The following MCTP1 variants were observed in gnomAD, a reference collection of about 807,000 sequenced individuals.
MCTP1 encodes multiple C2 and transmembrane domain-containing protein 1.
MCTP1 carries 69 observed loss-of-function variants against 120.6 expected under a neutral mutation model. The observed-to-expected ratio is 0.57, with a 90% CI of 0.47 to 0.70. The LOEUF is 0.70. MCTP1 is among the 30% of genes least tolerant of loss of function. The pLI is 0.00. For synonymous variants in MCTP1, 529 were observed against 493.1 expected (o/e 1.07, Z -0.96); for missense variants, 1,203 against 1,248.8 (o/e 0.96, Z 0.55).
chr5:94,712,636 T>A (rs2152546088), intron 20 of MCTP1, among the ~76,000 whole-genome samples: 1 of 152,252 alleles, frequency 6.6e-6, no homozygotes, highest in East Asian at 1.9e-4. Context: ...CTATTTTCAG[T>A]AATCCCTGGT....
chr5:94,730,479 G>A (rs919703412), intron 19 of MCTP1, among the ~76,000 whole-genome samples: 8 of 152,210 alleles, frequency 5.3e-5, no homozygotes, highest in African/African-American at 1.9e-4. Context: ...CTAGGGAAGA[G>A]TGGAGCAGGA....
intron 1 of MCTP1, among the ~76,000 whole-genome samples, chr5:95,058,478 C>T (rs1235861327): frequency 6.6e-6 from 1 of 152,202 alleles, no homozygotes; most frequent in Non-Finnish European, 1.5e-5. Flanking sequence ...CCTTTGGCAA[C>T]TCAATCTTTC....
At chr5:95,268,672 TCATCTGTGGGCA>T (rs1759106999) in intron 1 of MCTP1, among the ~76,000 whole-genome samples, 1 of 152,194 alleles carries the variant, frequency 6.6e-6, no homozygotes, top group South Asian at 2.1e-4. Context: ...CAACCTGTGA[TCATCTGTGGGCA>T]CATGACTGCT....
Position 95,120,155 on chromosome 5 carries a change from C to A in MCTP1, c.721-102671G>T, listed in dbSNP as rs183066999. ...TTGCGCCACTGCACTCCAGCCTGGG[C>A]GACAGAGCAAGACTCCATCTCAAAA... On this transcript the variant is annotated intron_variant, in intron 1 of 22. Transcript: ENST00000515393. Among the ~76,000 whole-genome samples, 519 of 130,912 alleles carry A rather than the reference C, an allele frequency of 4.0e-3. 8 individuals are homozygous for A. The highest frequency in any genetic ancestry group is 0.014 in the African/African-American group (495 of 35,432). 85.9% of individuals were successfully genotyped at this position (130,912 alleles called of 152,430 possible).
intron 1 of MCTP1, among the ~76,000 whole-genome samples, chr5:95,227,245 C>T (rs1245871664): frequency 2.0e-5 from 3 of 152,136 alleles, no homozygotes; most frequent in Non-Finnish European, 2.9e-5. Context: ...CCAATCCCCC[C>T]GAAATTAAAG....
rs764316064 is a variant in MCTP1, at chr5:95,195,547, A to G, written c.720+88309T>C. Reference sequence around the variant, plus strand: ...AGGAAATTAAAGGACACATAAAATCAGAGAAGAAAGTGGGGAGCAGAAAGG... The same window carrying G: ...AGGAAATTAAAGGACACATAAAATCGGAGAAGAAAGTGGGGAGCAGAAAGG... On this transcript the variant is annotated intron_variant, in intron 1 of 22. Transcript: ENST00000515393. 8.4e-4 allele frequency among the ~76,000 whole-genome samples: 128 copies of G among 152,312 alleles called. 4 individuals carry two copies. The highest frequency in any genetic ancestry group is 2.2e-4 in the Non-Finnish European group (15 of 68,026).
At chr5:94,829,635 T>C (rs1233617217) in intron 17 of MCTP1, among the ~76,000 whole-genome samples, 1 of 150,726 alleles carries the variant, frequency 6.6e-6, no homozygotes, top group African/African-American at 2.5e-5. Flanking sequence ...GAAGGAGACA[T>C]GGGGGAAAGG....
In MCTP1 at chr5:94,912,884, G is replaced by T; in HGVS notation, c.1443C>A (p.Asp481Glu). 1.2e-6 allele frequency: 2 copies of T among 1,600,386 alleles called. No individual in the cohort carries two copies. Among genetic ancestry groups the T allele is most frequent in the Non-Finnish European group, 1.7e-6 (2 of 1,174,142 alleles). The change falls in exon 9 of 23, where the codon GAC becomes GAA. Residue 481 changes from aspartate to glutamate, a missense_variant. Asp to Glu is a conservative substitution (Grantham distance 45, BLOSUM62 2). This residue lies in a region of MCTP1 where 740 missense variants were observed against 871.1 expected (regional missense o/e 0.85). Coordinates refer to ENST00000515393, the MANE Select transcript of MCTP1 (RefSeq NM_024717.7). ...ACCCGTTGGAATCCATGGCCTTGAG[G>T]TCTCTCCCTTCAATCAAGGTGATGC... is the stretch of plus-strand genomic sequence containing the variant. ...IVSITLIEGR[D>E]LKAMDSNGLS... is the part of the protein sequence containing the mutation.
chr5:94,800,417 C>T (rs140942366), intron 17 of MCTP1, among the ~76,000 whole-genome samples: 1 of 152,250 alleles, frequency 6.6e-6, no homozygotes, highest in Non-Finnish European at 1.5e-5. Context: ...GGGCAGTGCC[C>T]TAAGGACACC....
At chr5:95,135,557 C>A (rs1034974828) in intron 1 of MCTP1, among the ~76,000 whole-genome samples, 2 of 152,152 alleles carry the variant, frequency 1.3e-5, no homozygotes, top group Non-Finnish European at 2.9e-5. Context: ...TGATCAGCTG[C>A]CATCGAATAT....
At chr5:95,161,623 G>T (rs1745754794) in intron 1 of MCTP1, among the ~76,000 whole-genome samples, 1 of 152,062 alleles carries the variant, frequency 6.6e-6, no homozygotes, top group Non-Finnish European at 1.5e-5. Flanking sequence ...TAATAAATTT[G>T]TTAATCAGTC....
chr5:95,184,582 C>T (rs554685215), intron 1 of MCTP1, among the ~76,000 whole-genome samples: 208 of 152,298 alleles, frequency 1.4e-3, no homozygotes, highest in Non-Finnish European at 2.5e-3. Context: ...AAACTGATAA[C>T]AGCCCTTTCC....
At chr5:94,860,750 CG>C (rs1296181046) in intron 17 of MCTP1, among the ~76,000 whole-genome samples, 1 of 150,140 alleles carries the variant, frequency 6.7e-6, no homozygotes, top group Non-Finnish European at 1.5e-5. Context: ...TGAGCTGGGG[CG>C]GGGGGGAAGC....
At chr5:94,962,257 G>A (rs1824444102) in intron 2 of MCTP1, among the ~76,000 whole-genome samples, 2 of 152,014 alleles carry the variant, frequency 1.3e-5, no homozygotes, top group Admixed American at 1.3e-4. Flanking sequence ...AGAACTAAAA[G>A]TAGAAGGACT....
In MCTP1 at chr5:95,060,940, C is replaced by CAA. The variant is rs34418928; in HGVS notation, c.721-43458_721-43457dup. On this transcript the variant is annotated intron_variant, in intron 1 of 22. Coordinates refer to ENST00000515393, the MANE Select transcript of MCTP1 (RefSeq NM_024717.7). The stretch of plus-strand genomic sequence containing the variant: ...AGTGGGCAGAGAGCATGCCACTCCA[C>CAA]AAAAAAAAAAAAAAGAAAAGAAAAG... Among the ~76,000 whole-genome samples, 989 of 116,974 alleles carry CAA rather than the reference C, an allele frequency of 8.5e-3. 12 individuals are homozygous for CAA. Among genetic ancestry groups the CAA allele is most frequent in the African/African-American group, 0.03 (928 of 31,234 alleles). The allele number at this position is 116,974 out of a possible 152,430, so 76.7% of individuals were successfully genotyped here. A position where few individuals can be genotyped will look rare whatever the true frequency, so the allele number is the denominator to read the frequency against.
At chr5:94,740,288 T>C (rs1479435641) in intron 19 of MCTP1, among the ~76,000 whole-genome samples, 1 of 152,240 alleles carries the variant, frequency 6.6e-6, no homozygotes, top group African/African-American at 2.4e-5. Context: ...GTTATCTTTG[T>C]TGAATTTGAT....
intron 1 of MCTP1, among the ~76,000 whole-genome samples, chr5:95,085,392 T>C (rs1755349290): frequency 8.4e-6 from 1 of 118,446 alleles, no homozygotes; most frequent in South Asian, 3.1e-4. Flanking sequence ...TAATAGTGTA[T>C]AGATCCTTTA....
At chr5:94,860,989 C>G (rs1042510508) in intron 17 of MCTP1, among the ~76,000 whole-genome samples, 1 of 151,770 alleles carries the variant, frequency 6.6e-6, no homozygotes, top group Non-Finnish European at 1.5e-5. Context: ...TTTATCAAAT[C>G]CAAATATCTA....
intron 1 of MCTP1, among the ~76,000 whole-genome samples, chr5:95,020,860 A>G (rs1188093167): frequency 6.6e-6 from 1 of 152,012 alleles, no homozygotes; most frequent in African/African-American, 2.4e-5. Context: ...CCTTTATAAT[A>G]CATTAAGTTC....
Sources: gnomAD v4.1 joint callset for allele counts (sites outside exome capture counted in the v4.1 genomes callset) on GRCh38, gnomAD v4.1.1 for gene constraint, gnomAD v4.1.1 regional missense constraint, MANE v1.5 for transcripts, NCBI Gene and HGNC (gene_info 2026-07-23, HGNC 2026-07-21) for gene names.